Variants in BRAP observed in about 807,000 individuals in gnomAD.
BRAP encodes the protein BRCA1 associated protein.
Under a neutral mutation model 73.4 loss-of-function variants are expected in BRAP, and 42 were observed. The observed-to-expected ratio is 0.57, with a 90% CI of 0.45 to 0.74. BRAP has a LOEUF of 0.74. Among genes scored for constraint, BRAP ranks in the 30% least tolerant of loss-of-function variants. The probability of loss-of-function intolerance (pLI) is 0.00; values close to 1 mark genes in which losing one functional copy is unlikely to be tolerated. For synonymous variants in BRAP, 255 were observed against 267.4 expected (o/e 0.95, Z 0.45); for missense variants, 593 against 751.4 (o/e 0.79, Z 2.46).
chr12:111,661,713 G>GTTTT (rs746875251), intron 6 of BRAP, among the ~76,000 whole-genome samples: 1 of 141,706 alleles, frequency 7.1e-6, no homozygotes. Flanking sequence ...AAAAAAAAAG[G>GTTTT]TTTTTTTTTT....
Position 111,665,734 on chromosome 12 carries a change from A to G in BRAP, c.801T>C (p.Cys267=). ...DLTELPKCTV[C]LERMDESVNG... is the part of the protein sequence containing the mutation. ...TCACAGACTCGTCCATGCGCTCCAG[A>G]CACACCGTGCACTTGGGGAGTTCAG... The change falls in exon 6 of 12, where the codon TGT becomes TGC. Residue 267 remains cysteine, a synonymous_variant. Transcript: ENST00000419234. The surrounding 1 kb of genome is among the most constrained non-coding windows in gnomAD (Gnocchi z 4.3). 1 of 1,614,238 alleles carries G rather than the reference A, an allele frequency of 6.2e-7. No individual in the cohort carries two copies. Among genetic ancestry groups the G allele is most frequent in the Non-Finnish European group, 8.5e-7 (1 of 1,180,046 alleles).
At chr12:111,645,884 G>A (rs1886093711) in intron 11 of BRAP, among the ~76,000 whole-genome samples, 1 of 152,154 alleles carries the variant, frequency 6.6e-6, no homozygotes, top group Non-Finnish European at 1.5e-5. Flanking sequence ...CAGATTTACA[G>A]GAGGCTGAAG....
chr12:111,650,296 C>T (rs1346191292), intron 10 of BRAP, among the ~76,000 whole-genome samples: 2 of 152,108 alleles, frequency 1.3e-5, no homozygotes, highest in Admixed American at 6.5e-5. Context: ...GCCAGAGTCT[C>T]GCTCTGTCGC....
intron 4 of BRAP, among the ~76,000 whole-genome samples, chr12:111,675,401 G>C (rs1013468407): frequency 6.6e-6 from 1 of 151,320 alleles, no homozygotes; most frequent in African/African-American, 2.4e-5. Flanking sequence ...TCACTAAACA[G>C]CTGAGATTTC....
At chr12:111,658,906 T>A in intron 8 of BRAP, 61 bp from the exon 9 acceptor site, 2 of 1,340,914 alleles carry the variant, frequency 1.5e-6, no homozygotes, top group South Asian at 1.3e-5. Flanking sequence ...TGTACACTTT[T>A]AACTCTGACA....
chr12:111,646,959 C>T (rs1490535649), intron 11 of BRAP, among the ~76,000 whole-genome samples: 1 of 152,094 alleles, frequency 6.6e-6, no homozygotes, highest in African/African-American at 2.4e-5. Flanking sequence ...CAATAGGAAC[C>T]TGGTCAAAAT....
At chr12:111,685,533 TAAC>T (rs1887787367) in intron 1 of BRAP, 175 bp downstream of exon 1, 1 of 1,321,216 alleles carries the variant, frequency 7.6e-7, no homozygotes, top group Non-Finnish European at 9.8e-7. Flanking sequence ...TTCCCTGAGA[TAAC>T]AAACGGGAAG....
In BRAP at chr12:111,665,904, G is replaced by A. The variant is rs1886921830; in HGVS notation, c.748-117C>T. On this transcript the variant is annotated intron_variant, in intron 5 of 11. Coordinates refer to ENST00000419234, the MANE Select transcript of BRAP (RefSeq NM_006768.5). This position sits in a 1 kb window ranked among gnomAD's most constrained non-coding sequence, Gnocchi z 4.3. ...GTCACCCACGCTGGAGCCCAGTGGCGCAATCATGGCTCATTACAGCCTTGA... is the reference window on the plus strand; with the variant it reads ...GTCACCCACGCTGGAGCCCAGTGGCACAATCATGGCTCATTACAGCCTTGA... 1.2e-5 allele frequency: 16 copies of A among 1,356,930 alleles called. No individual in the cohort carries two copies. Among genetic ancestry groups the A allele is most frequent in the South Asian group, 4.1e-5 (3 of 73,622 alleles). The allele number at this position is 1,356,930 out of a possible 1,614,324, so 84.1% of individuals were successfully genotyped here.
chr12:111,671,653 T>C (rs1046152435), intron 5 of BRAP, among the ~76,000 whole-genome samples: 1 of 150,484 alleles, frequency 6.6e-6, no homozygotes, highest in Non-Finnish European at 1.5e-5. Context: ...AGCTGAGGAG[T>C]TCAAGAACAG....
intron 6 of BRAP, among the ~76,000 whole-genome samples, chr12:111,663,579 T>TC (rs1471417342): frequency 6.6e-6 from 1 of 152,178 alleles, no homozygotes; most frequent in Admixed American, 6.5e-5. Context: ...CTCTGACATC[T>TC]CTATCAAAAA....
At chr12:111,671,686 T>G (rs1163338527) in intron 5 of BRAP, among the ~76,000 whole-genome samples, 5 of 148,122 alleles carry the variant, frequency 3.4e-5, no homozygotes, top group Non-Finnish European at 3.0e-5. Flanking sequence ...AGAGACTTTT[T>G]TTTTTTTTTT....
intron 10 of BRAP, 76 bp downstream of exon 10, chr12:111,655,490 C>T: frequency 1.7e-6 from 2 of 1,204,056 alleles, no homozygotes; most frequent in South Asian, 1.2e-5. Flanking sequence ...TTTCCCTGTA[C>T]TCTGCCTTCC....
chr12:111,675,021 A>G (rs1287361654), intron 4 of BRAP, among the ~76,000 whole-genome samples: 1 of 152,072 alleles, frequency 6.6e-6, no homozygotes, highest in Non-Finnish European at 1.5e-5. Flanking sequence ...AAACCATTCA[A>G]TGAATTATTC....
At chr12:111,671,280 T>C (rs1819403091) in intron 5 of BRAP, among the ~76,000 whole-genome samples, 1 of 152,154 alleles carries the variant, frequency 6.6e-6, no homozygotes, top group Non-Finnish European at 1.5e-5. Flanking sequence ...CCATGCACAG[T>C]GGCTCATGCT....
At chr12:111,668,343 T>A (rs1168156117) in intron 5 of BRAP, among the ~76,000 whole-genome samples, 1 of 152,198 alleles carries the variant, frequency 6.6e-6, no homozygotes, top group African/African-American at 2.4e-5. Flanking sequence ...TGTTAATTTT[T>A]TTTTTTTTGG....
rs57857534 is a variant in BRAP, at chr12:111,669,960, C to T, written c.747+2701G>A. On this transcript the variant is annotated intron_variant, in intron 5 of 11. Transcript: ENST00000419234. ...CTTTTATTGAAGGAGTTTGGTCCAG[C>T]TGATGTTGGTGTATCCCTTCCAATA... 5.1e-4 allele frequency: 326 copies of T among 636,940 alleles called. 5 individuals carry two copies. The highest frequency in any genetic ancestry group is 1.0e-3 in the East Asian group (33 of 33,050). 39.5% of individuals were successfully genotyped at this position (636,940 alleles called of 1,614,324 possible).
chr12:111,673,005 A>C, intron 4 of BRAP: 1 of 449,750 alleles, frequency 2.2e-6, no homozygotes, highest in Non-Finnish European at 3.9e-6. Context: ...CAGAGTTTTT[A>C]CCTGAACTGG....
Position 111,644,065 on chromosome 12 carries a change from T to G in BRAP, c.*134A>C. 7.5e-7 allele frequency: 1 copy of G among 1,338,950 alleles called. No homozygotes were observed. The highest frequency in any genetic ancestry group is 1.0e-6 in the Non-Finnish European group (1 of 1,003,940). 82.9% of individuals were successfully genotyped at this position (1,338,950 alleles called of 1,614,324 possible). On this transcript the variant is annotated 3_prime_UTR_variant, in exon 12 of 12. Coordinates refer to ENST00000419234, the MANE Select transcript of BRAP (RefSeq NM_006768.5). The stretch of plus-strand genomic sequence containing the variant: ...ATTCACTACATCACACACTAGCAAA[T>G]GAAAGAGCCAAACAACTGTGGCTTG...
At chr12:111,650,852 AAAC>A (rs975099890) in intron 10 of BRAP, among the ~76,000 whole-genome samples, 2 of 152,202 alleles carry the variant, frequency 1.3e-5, no homozygotes, top group African/African-American at 2.4e-5. Flanking sequence ...CTATTTATAA[AAAC>A]AATATACATA....
Sources: gnomAD v4.1 joint callset for allele counts (sites outside exome capture counted in the v4.1 genomes callset) on GRCh38, gnomAD v4.1.1 for gene constraint, Gnocchi (gnomAD v3.1) non-coding constraint, MANE v1.5 for transcripts, NCBI Gene and HGNC (gene_info 2026-07-23, HGNC 2026-07-21) for gene names.